Variants in KLRG1 observed in about 807,000 individuals in gnomAD.
KLRG1 encodes killer cell lectin-like receptor subfamily G member 1.
Under a neutral mutation model 21.8 loss-of-function variants are expected in KLRG1, and 16 were observed. The ratio of observed to expected loss-of-function variants is 0.73; its 90% CI spans 0.50 to 1.11. The LOEUF (loss-of-function observed/expected upper bound fraction) is 1.11, where lower values mean the gene tolerates loss of function less well. KLRG1 is among the 50% of genes most tolerant of loss of function. The probability of loss-of-function intolerance (pLI) is 0.00; values close to 1 mark genes in which losing one functional copy is unlikely to be tolerated. For missense variants in KLRG1, 173 were observed against 218.3 expected (o/e 0.79, Z 1.31); for synonymous variants, 69 against 75.9 (o/e 0.91, Z 0.47).
the KLRG1 span, among the ~76,000 whole-genome samples, chr12:9,034,836 T>C: frequency 1.3e-5 from 2 of 152,334 alleles, no homozygotes; most frequent in African/African-American, 4.8e-5. Context: ...GGGCAGGCCC[T>C]TCAGGAGGTT....
chr12:9,070,838 G>C, the KLRG1 span, among the ~76,000 whole-genome samples: 1 of 128,036 alleles, frequency 7.8e-6, no homozygotes, highest in Non-Finnish European at 1.6e-5. Flanking sequence ...TTTTTTTTTT[G>C]ATGGAGTTTT....
the KLRG1 span, chr12:9,128,239 G>C: frequency 5.6e-6 from 1 of 178,922 alleles, no homozygotes; most frequent in African/African-American, 2.4e-5. Context: ...CGGGCAACAC[G>C]TGAAGCCAGT....
the KLRG1 span, among the ~76,000 whole-genome samples, chr12:9,176,618 A>G: frequency 1.3e-5 from 2 of 152,248 alleles, no homozygotes; most frequent in African/African-American, 2.4e-5. Context: ...AACAGATTCA[A>G]GAACCCACAG....
the KLRG1 span, among the ~76,000 whole-genome samples, chr12:9,202,991 G>T: frequency 6.6e-6 from 1 of 152,300 alleles, no homozygotes; most frequent in African/African-American, 2.4e-5. Flanking sequence ...AAAAATATGG[G>T]AGAGCATAGG....
chr12:8,979,324 T>C (rs1393862920), intron 1 of KLRG1, among the ~76,000 whole-genome samples: 4 of 152,178 alleles, frequency 2.6e-5, no homozygotes, highest in Admixed American at 6.5e-5. Context: ...GGCCTGTCCT[T>C]CATTTTTAAA....
At chr12:9,071,650 G>A in the KLRG1 span, among the ~76,000 whole-genome samples, 2 of 152,040 alleles carry the variant, frequency 1.3e-5, no homozygotes, top group African/African-American at 4.8e-5. Flanking sequence ...GTGTCCATAT[G>A]TTCTCATCAT....
At chr12:8,961,788 T>C (rs1160511423) in intron 1 of KLRG1, among the ~76,000 whole-genome samples, 1 of 152,056 alleles carries the variant, frequency 6.6e-6, no homozygotes, top group Non-Finnish European at 1.5e-5. Context: ...GGCATCCAGG[T>C]AAAAATTGCC....
At chr12:9,059,108 C>T in the KLRG1 span, among the ~76,000 whole-genome samples, 2 of 152,166 alleles carry the variant, frequency 1.3e-5, no homozygotes, top group Non-Finnish European at 2.9e-5. Context: ...AAGTAACAGG[C>T]GTCTTTAGCA....
chr12:9,183,772 G>A, the KLRG1 span, among the ~76,000 whole-genome samples: 149,052 of 152,334 alleles, frequency 0.98, 73,011 homozygotes, highest in East Asian at 1. Context: ...TACGTAGAAT[G>A]TGGAATTTTT....
At chr12:9,025,689 T>C in the KLRG1 span, among the ~76,000 whole-genome samples, 1 of 152,044 alleles carries the variant, frequency 6.6e-6, no homozygotes, top group Non-Finnish European at 1.5e-5. Context: ...TAGACCAAGA[T>C]TCTTGAGTCA....
At chr12:9,132,673 G>A in the KLRG1 span, among the ~76,000 whole-genome samples, 2 of 126,674 alleles carry the variant, frequency 1.6e-5, no homozygotes, top group African/African-American at 6.1e-5. Flanking sequence ...ACAGTGGGAA[G>A]AGTGAGAAAA....
At chr12:9,125,541 A>C in the KLRG1 span, among the ~76,000 whole-genome samples, 1 of 152,198 alleles carries the variant, frequency 6.6e-6, no homozygotes, top group Admixed American at 6.5e-5. Context: ...AATTGATCAC[A>C]TTATTTTCAA....
the KLRG1 span, among the ~76,000 whole-genome samples, chr12:9,148,004 T>A: frequency 6.6e-6 from 1 of 152,204 alleles, no homozygotes; most frequent in Non-Finnish European, 1.5e-5. Context: ...ATACTTGATT[T>A]TTTTTCTCTC....
intron 2 of KLRG1, among the ~76,000 whole-genome samples, chr12:8,992,934 G>A (rs1039780570): frequency 6.6e-6 from 1 of 151,888 alleles, no homozygotes; most frequent in African/African-American, 2.4e-5. Flanking sequence ...ATCGTAGTAT[G>A]CTCATAATTT....
At chr12:9,144,165 A>G in the KLRG1 span, among the ~76,000 whole-genome samples, 1 of 149,488 alleles carries the variant, frequency 6.7e-6, no homozygotes, top group Non-Finnish European at 1.5e-5. Context: ...CCACATGAGG[A>G]AGAGAGAGAG....
the KLRG1 span, among the ~76,000 whole-genome samples, chr12:9,167,749 G>T: frequency 2.6e-5 from 4 of 151,836 alleles, no homozygotes; most frequent in African/African-American, 9.7e-5. Context: ...TTTTTCCTGA[G>T]TGTTATTATA....
the KLRG1 span, among the ~76,000 whole-genome samples, chr12:9,049,084 C>T: frequency 6.6e-6 from 1 of 152,194 alleles, no homozygotes; most frequent in Admixed American, 6.5e-5. Flanking sequence ...TAAAATGATT[C>T]TTTTAGTCTG....
the KLRG1 span, chr12:9,166,238 C>G: frequency 1.2e-6 from 2 of 1,600,766 alleles, no homozygotes; most frequent in South Asian, 2.3e-5. Flanking sequence ...TAGGGAAAAA[C>G]ATTCATTAAT....
chr12:9,203,699 T>C, the KLRG1 span: 1 of 1,557,492 alleles, frequency 6.4e-7, no homozygotes, highest in Non-Finnish European at 8.8e-7. Flanking sequence ...CAGAGCTCCA[T>C]CACCATGACC....
Sources: gnomAD v4.1 joint callset for allele counts (sites outside exome capture counted in the v4.1 genomes callset) on GRCh38, gnomAD v4.1.1 for gene constraint, MANE v1.5 for transcripts, NCBI Gene and HGNC (gene_info 2026-07-23, HGNC 2026-07-21) for gene names.